Variants in CCDC14 observed in about 807,000 individuals in gnomAD.
The protein encoded by CCDC14 is coiled-coil domain containing 14.
Under a neutral mutation model 81.4 loss-of-function variants are expected in CCDC14, and 71 were observed. That is an observed-to-expected ratio of 0.87 (90% CI 0.72 to 1.06). The LOEUF is 1.06. Ranked by LOEUF, CCDC14 falls within the 50% of genes least tolerant of loss-of-function variation. CCDC14 has a pLI of 0.00. For synonymous variants in CCDC14, 332 were observed against 364.8 expected (o/e 0.91, Z 1.03); for missense variants, 1,046 against 1,047.3 (o/e 1.00, Z 0.02).
intron 5 of CCDC14, among the ~76,000 whole-genome samples, chr3:123,903,577 T>C (rs1401276021): frequency 2.0e-5 from 3 of 152,166 alleles, no homozygotes; most frequent in East Asian, 1.9e-4. Context: ...ACAGTGTTCA[T>C]AGAAGACCCC....
chr3:123,927,442 C>T (rs1048558422), intron 12 of CCDC14, among the ~76,000 whole-genome samples: 1 of 151,874 alleles, frequency 6.6e-6, no homozygotes, highest in Non-Finnish European at 1.5e-5. Flanking sequence ...ATAAAACTGA[C>T]ATCAATGAAC....
the CCDC14 span, among the ~76,000 whole-genome samples, chr3:123,890,058 A>G: frequency 7.2e-5 from 11 of 152,208 alleles, no homozygotes; most frequent in Non-Finnish European, 1.5e-4. Flanking sequence ...GAATGGCAGC[A>G]GGCAGAGGGA....
At chr3:123,887,517 A>G in the CCDC14 span, among the ~76,000 whole-genome samples, 1 of 152,264 alleles carries the variant, frequency 6.6e-6, no homozygotes, top group Non-Finnish European at 1.5e-5. Context: ...CTTATAAACA[A>G]GAAACATTAT....
rs112546975 is a variant in CCDC14, at chr3:123,945,559, C to A, written c.1202-569G>T. Among the ~76,000 whole-genome samples the A allele has an allele frequency of 7.8e-4, 118 of 152,182 alleles. 1 individual carries two copies. The highest frequency in any genetic ancestry group is 2.8e-3 in the African/African-American group (118 of 41,552). The stretch of plus-strand genomic sequence containing the variant: ...TCAAAAGTTTGTTAATAATTGTGGA[C>A]AGTAGATGTTTTTGGAGATTGCAAA... On this transcript the variant is annotated intron_variant, in intron 8 of 12. Coordinates refer to ENST00000409697, the MANE Select transcript of CCDC14 (RefSeq NM_001366335.1).
At chr3:123,916,823 C>T (rs2034728390) in intron 12 of CCDC14, among the ~76,000 whole-genome samples, 1 of 151,858 alleles carries the variant, frequency 6.6e-6, no homozygotes, top group Admixed American at 6.6e-5. Context: ...TATTAGTAGT[C>T]CTATTAAGGC....
At chr3:123,894,520 T>C (rs2034032723), downstream of CCDC14, among the ~76,000 whole-genome samples, 3 of 152,352 alleles carry the variant, frequency 2.0e-5, no homozygotes, top group South Asian at 6.2e-4. Flanking sequence ...AGGGATTGCA[T>C]TGAATCTGTA....
rs1324955035 is a variant in CCDC14, at chr3:123,948,720, G to A, written c.655C>T (p.Arg219Trp). The A allele has an allele frequency of 2.5e-6, 4 of 1,601,548 alleles. No individual in the cohort carries two copies. The highest frequency in any genetic ancestry group is 2.2e-5 in the East Asian group (1 of 44,816). ...TGAACCTTTGGAGGGCAGGGTGGCC[G>A]CTGAAGTGACCAGACTGGGGTGGAG... Reference protein sequence around the residue: ...CTSTPVWSLQRPPCPPKVHSE... With the variant: ...CTSTPVWSLQWPPCPPKVHSE... The change falls in exon 7 of 13, where the codon CGG becomes TGG. Residue 219 changes from arginine (R) to tryptophan (W), a missense_variant. Physicochemically the swap from Arg to Trp is moderately radical, Grantham distance 101. Transcript: ENST00000409697.
the CCDC14 span, among the ~76,000 whole-genome samples, chr3:123,892,274 G>T: frequency 1.3e-5 from 2 of 152,208 alleles, no homozygotes; most frequent in Non-Finnish European, 2.9e-5. Flanking sequence ...GCCAAGGCTT[G>T]TGGGTTGCAC....
At chr3:123,956,665 GAC>G in intron 2 of CCDC14, 73 bp downstream of exon 2, 14 of 1,214,138 alleles carry the variant, frequency 1.2e-5, no homozygotes, top group Non-Finnish European at 1.6e-5. Context: ...TTCTGGGGTA[GAC>G]GACATGTCAT....
intron 8 of CCDC14, 113 bp downstream of exon 8, chr3:123,946,690 C>T: frequency 9.2e-7 from 1 of 1,086,530 alleles, no homozygotes; most frequent in African/African-American, 1.6e-5. Context: ...CTTATTAGCT[C>T]AAAACACAGT....
At chr3:123,948,049 G>A (rs2148925727) in intron 7 of CCDC14, among the ~76,000 whole-genome samples, 1 of 152,094 alleles carries the variant, frequency 6.6e-6, no homozygotes, top group Middle Eastern at 3.4e-3. Context: ...GAAAGCAAAT[G>A]TTAACAAATA....
chr3:123,894,817 T>C (rs1185082887), downstream of CCDC14, among the ~76,000 whole-genome samples: 1 of 152,216 alleles, frequency 6.6e-6, no homozygotes, highest in African/African-American at 2.4e-5. Context: ...ATTATGTACA[T>C]TTTATTCCAC....
chr3:123,912,719 T>A (rs773742063), downstream of CCDC14, among the ~76,000 whole-genome samples: 5 of 151,694 alleles, frequency 3.3e-5, no homozygotes, highest in Non-Finnish European at 5.9e-5. Context: ...AATCCTCAAC[T>A]GAAAAAAAAC....
At chr3:123,952,055 G>A (rs2037050722) in intron 5 of CCDC14, among the ~76,000 whole-genome samples, 1 of 152,148 alleles carries the variant, frequency 6.6e-6, no homozygotes, top group Admixed American at 6.5e-5. Flanking sequence ...AAATACAAAT[G>A]AAGTATATTT....
chr3:123,957,216 T>C (rs1228878639), intron 1 of CCDC14: 1 of 152,108 alleles, frequency 6.6e-6, no homozygotes, highest in African/African-American at 2.4e-5. Flanking sequence ...TATAATTTAA[T>C]TCATATATTA....
intron 1 of CCDC14, chr3:123,957,094 T>C (rs558766407): frequency 3.3e-5 from 6 of 182,552 alleles, no homozygotes; most frequent in Non-Finnish European, 6.8e-5. Flanking sequence ...ATCTATATTG[T>C]AGCATGTGTC....
chr3:123,947,048 A>G lies in CCDC14; in HGVS notation c.956T>C (p.Leu319Pro), dbSNP rs768596507. ...AGGGCTTCGGTGTGTCTGACTGTCC[A>G]GATGCGTTTCTTTTCCATGAGATCG... ...LFRSHGKETH[L>P]DSQTHRSPTQ... The change falls in exon 8 of 13, where the codon CTG becomes CCG. Residue 319 changes from leucine (L) to proline (P), a missense_variant. Transcript: ENST00000409697. 14 of 1,614,018 alleles carry G rather than the reference A, an allele frequency of 8.7e-6. 1 individual carries two copies. The South Asian group carries it at 1.4e-4, about 16-fold the overall frequency.
intron 12 of CCDC14, among the ~76,000 whole-genome samples, chr3:123,919,846 C>T (rs934075496): frequency 2.0e-5 from 3 of 152,026 alleles, no homozygotes; most frequent in African/African-American, 7.2e-5. Context: ...TGCATAGACA[C>T]CAATGCAAGG....
chr3:123,943,042 T>C, intron 9 of CCDC14, among the ~76,000 whole-genome samples: 1 of 151,978 alleles, frequency 6.6e-6, no homozygotes, highest in South Asian at 2.1e-4. Context: ...TGTGACATTA[T>C]TTTATATATT....
Sources: gnomAD v4.1 joint callset for allele counts (sites outside exome capture counted in the v4.1 genomes callset) on GRCh38, gnomAD v4.1.1 for gene constraint, MANE v1.5 for transcripts, NCBI Gene and HGNC (gene_info 2026-07-23, HGNC 2026-07-21) for gene names.